FMO3: variants seen among roughly 807,000 people sequenced by gnomAD.
FMO3 encodes flavin-containing monooxygenase 3.
Under a neutral mutation model 39.4 loss-of-function variants are expected in FMO3, and 40 were observed. That is an observed-to-expected ratio of 1.02 (90% confidence interval 0.79 to 1.32). The LOEUF (loss-of-function observed/expected upper bound fraction) is 1.32, where lower values mean the gene tolerates loss of function less well. Among genes scored for constraint, FMO3 ranks in the 40% most tolerant of loss-of-function variants. The pLI is 0.00. For synonymous variants in FMO3, 219 were observed against 228.8 expected, an observed-to-expected ratio of 0.96 and a Z score of 0.39; for missense variants, 680 against 651.8, an observed-to-expected ratio of 1.04 and a Z score of -0.47.
intron 2 of FMO3, among the ~76,000 whole-genome samples, chr1:171,098,326 GA>G (rs759196439): frequency 4.6e-5 from 7 of 152,178 alleles, no homozygotes; most frequent in South Asian, 2.1e-4. Context: ...ATTATGTGAA[GA>G]AAGTCATTGG....
chr1:171,096,050 ATATATAATATATATTATATATTAAT>A, intron 2 of FMO3, among the ~76,000 whole-genome samples: 1 of 49,780 alleles, frequency 2.0e-5, no homozygotes, highest in East Asian at 7.4e-4. Context: ...TTATATATAA[ATATATAATATATATTATATATTAAT>A]ATATAATATA....
In FMO3 at chr1:171,098,651, A is replaced by AT. The variant is rs570895930; in HGVS notation, c.133-5130dup. ...TTGCACACTGATTTTCTATCCTGAG[A>AT]TTTTGCTGAAGTAGCTTATCAGCTT... On this transcript the variant is annotated intron_variant, in intron 2 of 8. Coordinates refer to ENST00000367755, the MANE Select transcript of FMO3 (RefSeq NM_001002294.3). Among the ~76,000 whole-genome samples, 565 of 152,234 alleles carry AT rather than the reference A, an allele frequency of 3.7e-3. 2 individuals carry two copies. Among genetic ancestry groups the AT allele is most frequent in the African/African-American group, 0.012 (491 of 41,540 alleles).
At chr1:171,102,776 C>A (rs1373634420) in intron 2 of FMO3, among the ~76,000 whole-genome samples, 2 of 152,136 alleles carry the variant, frequency 1.3e-5, no homozygotes, top group Admixed American at 6.6e-5. Context: ...CTTCAATGTT[C>A]TTTTTCTTTA....
At position 171,116,240 on chromosome 1, in the gene FMO3, A is replaced by T. The variant is rs1195673297; in HGVS notation, c.1216A>T (p.Met406Leu). 2.5e-6 allele frequency: 4 copies of T among 1,605,594 alleles called. No individual in the cohort carries two copies. Among genetic ancestry groups the T allele is most frequent in the Non-Finnish European group, 3.4e-6 (4 of 1,172,502 alleles). Residue 406 changes from methionine to leucine, a missense_variant, in exon 8 of 9, where the codon ATG becomes TTG. Met to Leu is a conservative substitution (Grantham distance 15, BLOSUM62 2). Transcript: ENST00000367755. ...TCTLPSMEDMMNDINEKMEKK... is the reference protein window; with the variant it reads ...TCTLPSMEDMLNDINEKMEKK... ...TACTTTGCCTTCTATGGAAGACATG[A>T]TGAATGATATTAATGAGAAAATGGA...
intron 3 of FMO3, 114 bp from the exon 4 acceptor site, chr1:171,107,561 A>T: frequency 3.9e-6 from 3 of 763,900 alleles, no homozygotes; most frequent in Admixed American, 2.2e-5. Flanking sequence ...AATTTGTAAT[A>T]TGTATCTTAA....
chr1:171,096,147 ATATGAATAT>A (rs1655023282), intron 2 of FMO3, among the ~76,000 whole-genome samples: 1 of 69,668 alleles, frequency 1.4e-5, no homozygotes, highest in Admixed American at 2.7e-4. Flanking sequence ...TTATATATTG[ATATGAATAT>A]ATAATATATA....
At chr1:171,100,232 A>C (rs982009877) in intron 2 of FMO3, 5 of 152,210 alleles carry the variant, frequency 3.3e-5, no homozygotes, top group Admixed American at 3.3e-4. Flanking sequence ...TTGCTGCTCG[A>C]GGAAGACTTT....
At chr1:171,094,922 C>T (rs1173228709) in intron 2 of FMO3, among the ~76,000 whole-genome samples, 1 of 151,952 alleles carries the variant, frequency 6.6e-6, no homozygotes, top group Non-Finnish European at 1.5e-5. Flanking sequence ...GTTATTTGGG[C>T]TTTTTTGGTT....
Position 171,114,015 on chromosome 1 carries a change from G to C in FMO3, c.836G>C (p.Arg279Thr). The part of the protein sequence containing the change: ...YGLMPLNGVL[R>T]KEPVFNDELP... ...CTCTGTTTTCCATACAGAGTCCTGA[G>C]GAAAGAGCCTGTATTTAACGATGAG... The change falls in exon 7 of 9, where the codon AGG (arginine) becomes ACG (threonine). Residue 279 changes from arginine to threonine, a missense_variant. By Grantham distance (71) the Arg-to-Thr change is moderately conservative. Coordinates refer to ENST00000367755, the MANE Select transcript of FMO3 (RefSeq NM_001002294.3). 2 of 1,602,410 alleles carry C rather than the reference G, an allele frequency of 1.2e-6. No individual in the cohort carries two copies. Among genetic ancestry groups the C allele is most frequent in the Non-Finnish European group, 1.7e-6 (2 of 1,170,786 alleles).
chr1:171,115,215 A>C (rs1345313880), intron 7 of FMO3, among the ~76,000 whole-genome samples: 3 of 152,170 alleles, frequency 2.0e-5, no homozygotes, highest in Admixed American at 6.6e-5. Context: ...TGGGCTCTGA[A>C]GAAAGGAAAC....
chr1:171,110,939 G>C lies in FMO3; in HGVS notation c.769G>C (p.Val257Leu). The C allele has an allele frequency of 1.2e-6, 2 of 1,613,914 alleles. No individual in the cohort carries two copies. Among genetic ancestry groups the C allele is most frequent in the Non-Finnish European group, 8.5e-7 (1 of 1,179,906 alleles). ...LPTAISDWLYVKQMNARFKHE... is the reference protein window; with the variant it reads ...LPTAISDWLYLKQMNARFKHE... ...GACAGCCATCTCTGACTGGTTGTAC[G>C]TGAAGCAGATGAATGCAAGATTCAA... Residue 257 changes from valine to leucine, a missense_variant, in exon 6 of 9, where the codon GTG becomes CTG. Physicochemically the swap from Val to Leu is conservative, Grantham distance 32. Coordinates refer to ENST00000367755, the MANE Select transcript of FMO3 (RefSeq NM_001002294.3).
chr1:171,093,421 C>CTCCA (rs956810025), intron 2 of FMO3, among the ~76,000 whole-genome samples: 1 of 151,568 alleles, frequency 6.6e-6, no homozygotes, highest in African/African-American at 2.4e-5. Context: ...AGATAATGGC[C>CTCCA]TCCAGTCCCA....
intron 6 of FMO3, among the ~76,000 whole-genome samples, chr1:171,112,314 T>C (rs1202388917): frequency 6.6e-6 from 1 of 152,152 alleles, no homozygotes; most frequent in African/African-American, 2.4e-5. Context: ...TAAATTAGCA[T>C]TGCAGAGATT....
chr1:171,114,392 G>A (rs764326621), intron 7 of FMO3, 30 bp downstream of exon 7: 141 of 1,446,070 alleles, frequency 9.8e-5, no homozygotes, highest in African/African-American at 1.5e-4. Flanking sequence ...CATGGATTGC[G>A]AAGATGAATG....
At chr1:171,102,330 C>T (rs1655435653) in intron 2 of FMO3, among the ~76,000 whole-genome samples, 1 of 152,210 alleles carries the variant, frequency 6.6e-6, no homozygotes, top group South Asian at 2.1e-4. Context: ...ACATAGAGAT[C>T]TACAATCTGA....
chr1:171,094,360 T>A (rs190441596), intron 2 of FMO3, among the ~76,000 whole-genome samples: 4 of 152,284 alleles, frequency 2.6e-5, no homozygotes, highest in Admixed American at 2.6e-4. Flanking sequence ...TAAATTCTGA[T>A]ATTTGTCTTT....
intron 2 of FMO3, among the ~76,000 whole-genome samples, chr1:171,096,734 A>G (rs528436727): frequency 7.1e-6 from 1 of 140,000 alleles, no homozygotes; most frequent in African/African-American, 2.6e-5. Context: ...TTAAAAATAT[A>G]TATAATTAAT....
intron 2 of FMO3, chr1:171,099,759 C>CTTTTTTTTTTTTTTTTTTTTTTT (rs747274398): frequency 2.1e-4 from 25 of 117,584 alleles, no homozygotes; most frequent in Admixed American, 3.7e-4. Context: ...CCATGTCTTT[C>CTTTTTTTTTTTTTTTTTTTTTTT]TTTTTTTTTT....
In FMO3 at chr1:171,107,792, T is replaced by C; in HGVS notation, c.439T>C (p.Ser147Pro). The C allele has an allele frequency of 6.2e-7, 1 of 1,613,964 alleles. No homozygotes were observed. The highest frequency in any genetic ancestry group is 8.5e-7 in the Non-Finnish European group (1 of 1,179,924). ...TGTCTTTGATGCTGTAATGGTTTGT[T>C]CCGGACATCATGTGTATCCCAACCT... is the stretch of plus-strand genomic sequence containing the variant. ...SAVFDAVMVCSGHHVYPNLPK... is the reference protein window; with the variant it reads ...SAVFDAVMVCPGHHVYPNLPK... The change falls in exon 4 of 9, where the codon TCC (serine) becomes CCC (proline). Residue 147 changes from serine to proline, a missense_variant. Transcript: ENST00000367755.
Sources: allele counts gnomAD v4.1 joint callset (sites outside exome capture counted in the v4.1 genomes callset), GRCh38; gene constraint gnomAD v4.1.1; transcripts MANE v1.5; gene names NCBI Gene and HGNC (gene_info 2026-07-23, HGNC 2026-07-21).